Variants in DCHS2 observed in about 807,000 individuals in gnomAD.
The protein encoded by DCHS2 is dachsous cadherin-related 2.
In DCHS2, 142 loss-of-function variants were observed where a neutral mutation model predicts 182.4. That is an observed-to-expected ratio of 0.78 (90% CI 0.68 to 0.89). DCHS2 has a LOEUF of 0.89. Ranked by LOEUF, DCHS2 falls within the 40% of genes least tolerant of loss-of-function variation. The probability of loss-of-function intolerance (pLI) is 0.00; values close to 1 mark genes in which losing one functional copy is unlikely to be tolerated. For synonymous variants in DCHS2, 1,740 were observed against 1,663.3 expected, an observed-to-expected ratio of 1.05 and a Z score of -1.12; for missense variants, 4,319 against 4,198.6, an observed-to-expected ratio of 1.03 and a Z score of -0.79.
chr4:154,387,090 A>G (rs1405050163), intron 1 of DCHS2, among the ~76,000 whole-genome samples: 1 of 152,216 alleles, frequency 6.6e-6, no homozygotes, highest in Non-Finnish European at 1.5e-5. Flanking sequence ...TCTCACAGCT[A>G]TTAGATGAAT....
Position 154,320,471 on chromosome 4 carries a change from G to A in DCHS2, c.4928C>T (p.Ala1643Val). 1 of 1,614,114 alleles carries A rather than the reference G, an allele frequency of 6.2e-7. No homozygotes were observed. Among genetic ancestry groups the A allele is most frequent in the Non-Finnish European group, 8.5e-7 (1 of 1,180,012 alleles). ...TVGSLVHHIT[A>V]HDPDEGRNGK... Reference sequence around the variant, plus strand: ...ATTCCTTCCTTCGTCTGGATCGTGAGCAGTTATGTGGTGGACCAAGGAGCC... The same window carrying A: ...ATTCCTTCCTTCGTCTGGATCGTGAACAGTTATGTGGTGGACCAAGGAGCC... Residue 1643 changes from alanine to valine, a missense_variant, in exon 9 of 20, where the codon GCT (alanine) becomes GTT (valine). By Grantham distance (64) the Ala-to-Val change is moderately conservative (BLOSUM62 0). Transcript: ENST00000357232.
At chr4:154,313,810 T>C (rs1315385074) in intron 10 of DCHS2, among the ~76,000 whole-genome samples, 1 of 152,218 alleles carries the variant, frequency 6.6e-6, no homozygotes, top group Non-Finnish European at 1.5e-5. Flanking sequence ...CATGAAGATG[T>C]TAATGTGTAT....
chr4:154,240,510 G>A (rs1402973159), intron 18 of DCHS2, 27 bp downstream of exon 18: 1 of 1,603,402 alleles, frequency 6.2e-7, no homozygotes, highest in Non-Finnish European at 8.5e-7. Context: ...TTTGGCTTTG[G>A]TTTCGGCATC....
At chr4:154,326,815 G>A (rs1736302492) in intron 7 of DCHS2, among the ~76,000 whole-genome samples, 4 of 152,058 alleles carry the variant, frequency 2.6e-5, no homozygotes, top group Non-Finnish European at 5.9e-5. Context: ...GACTGGGTAA[G>A]GCCAACTTCC....
chr4:154,491,227 C>A lies in DCHS2; in HGVS notation c.129G>T (p.Thr43=), dbSNP rs1198608209. 2.6e-6 allele frequency: 4 copies of A among 1,551,228 alleles called. No homozygotes were observed. Among genetic ancestry groups the A allele is most frequent in the Non-Finnish European group, 3.5e-6 (4 of 1,146,942 alleles). Residue 43 remains threonine, a synonymous_variant, in exon 1 of 20, where the codon ACG becomes ACT. Coordinates refer to ENST00000357232, the MANE Select transcript of DCHS2 (RefSeq NM_001358235.2). ...HGRSGSSGAR[T]QRSLLWLLVH... ...CCAAGAGCCAGAGCAGGGAGCGCTG[C>A]GTCCTGGCGCCGCTGCTGCCTGACC...
At chr4:154,397,007 GA>G (rs1408545491) in intron 1 of DCHS2, among the ~76,000 whole-genome samples, 1 of 152,148 alleles carries the variant, frequency 6.6e-6, no homozygotes, top group Non-Finnish European at 1.5e-5. Context: ...CCTAAGACAA[GA>G]AAGGCATCCT....
intron 7 of DCHS2, 87 bp from the exon 8 acceptor site, chr4:154,322,575 GA>G: frequency 7.0e-7 from 1 of 1,419,430 alleles, no homozygotes; most frequent in Non-Finnish European, 9.2e-7. Flanking sequence ...CGATCATTTG[GA>G]AGATTTGTTT....
rs936195359 is a variant in DCHS2, at chr4:154,491,309, C to T, written c.47G>A (p.Arg16Gln). ...CAGAAGGAGCTTCCCGACCGGAGCC[C>T]GCCGCTGCTGACGCCCTTCGCCCAT... ...RKMGEGRQQR[R>Q]APVGKLLLLP... The change falls in exon 1 of 20, where the codon CGG becomes CAG. Residue 16 changes from arginine to glutamine, a missense_variant. Transcript: ENST00000357232. The T allele has an allele frequency of 6.5e-7, 1 of 1,548,350 alleles. No individual in the cohort carries two copies. The highest frequency in any genetic ancestry group is 8.7e-7 in the Non-Finnish European group (1 of 1,144,860).
At chr4:154,305,260 C>T in intron 10 of DCHS2, 29 bp from the exon 11 acceptor site, 2 of 1,594,796 alleles carry the variant, frequency 1.3e-6, no homozygotes, top group Non-Finnish European at 1.7e-6. Flanking sequence ...AAAAACTTAG[C>T]AATCATTTCT....
intron 1 of DCHS2, among the ~76,000 whole-genome samples, chr4:154,421,662 G>A (rs1182614009): frequency 1.3e-5 from 2 of 152,130 alleles, no homozygotes; most frequent in South Asian, 4.1e-4. Flanking sequence ...CCAAAGTGCT[G>A]GGATTACAGG....
intron 1 of DCHS2, among the ~76,000 whole-genome samples, chr4:154,406,869 C>T (rs1228865027): frequency 6.6e-6 from 1 of 152,206 alleles, no homozygotes. Context: ...ACATAAGTGA[C>T]TGCGTTGGAA....
chr4:154,473,255 A>G (rs958737403), intron 1 of DCHS2, among the ~76,000 whole-genome samples: 3 of 152,234 alleles, frequency 2.0e-5, no homozygotes, highest in Admixed American at 1.3e-4. Context: ...CTCTGGGCTC[A>G]GTGCATCCAG....
intron 10 of DCHS2, among the ~76,000 whole-genome samples, chr4:154,314,381 G>A (rs1451959437): frequency 6.6e-6 from 1 of 152,064 alleles, no homozygotes; most frequent in Admixed American, 6.6e-5. Context: ...TGCCAAAAAC[G>A]TACTAAGTTC....
At chr4:154,382,458 C>G (rs1007385621) in intron 1 of DCHS2, among the ~76,000 whole-genome samples, 1 of 151,970 alleles carries the variant, frequency 6.6e-6, no homozygotes, top group Non-Finnish European at 1.5e-5. Context: ...ACTAAGTCCT[C>G]AAAAGCAATT....
chr4:154,333,181 C>T lies in DCHS2; in HGVS notation c.3027G>A (p.Gly1009=), dbSNP rs1357273540. 2 of 1,614,226 alleles carry T rather than the reference C, an allele frequency of 1.2e-6. No individual in the cohort carries two copies. The highest frequency in any genetic ancestry group is 2.2e-5 in the East Asian group (1 of 44,880). Residue 1009 remains glycine (G), a synonymous_variant, in exon 5 of 20, where the codon GGG becomes GGA. Coordinates refer to ENST00000357232, the MANE Select transcript of DCHS2 (RefSeq NM_001358235.2). ...YLARAEDRDS[G]RNGLIRYSIA... Reference sequence around the variant, plus strand: ...TGGAGTACCGGATGAGTCCGTTCCGCCCACTGTCTCTGTCTTCCGCACGTG... The same window carrying T: ...TGGAGTACCGGATGAGTCCGTTCCGTCCACTGTCTCTGTCTTCCGCACGTG...
At chr4:154,288,164 C>A (rs989119772) in intron 13 of DCHS2, among the ~76,000 whole-genome samples, 1 of 152,082 alleles carries the variant, frequency 6.6e-6, no homozygotes, top group East Asian at 1.9e-4. Flanking sequence ...ACACAATGGT[C>A]TTTTGCCTAC....
intron 13 of DCHS2, among the ~76,000 whole-genome samples, chr4:154,277,901 C>T (rs1028669192): frequency 6.6e-6 from 1 of 151,974 alleles, no homozygotes; most frequent in African/African-American, 2.4e-5. Context: ...ATTAGCTGGG[C>T]ATGGTGGCGG....
chr4:154,467,566 TC>T (rs1433804798), intron 1 of DCHS2, among the ~76,000 whole-genome samples: 1 of 152,098 alleles, frequency 6.6e-6, no homozygotes. Flanking sequence ...TGCAGAAATG[TC>T]AAAAGTTTAA....
chr4:154,421,181 G>A (rs570007430), intron 1 of DCHS2, among the ~76,000 whole-genome samples: 5 of 152,280 alleles, frequency 3.3e-5, no homozygotes, highest in South Asian at 4.1e-4. Context: ...AGGACTTATA[G>A]AAAGTATCCT....
Sources: gnomAD v4.1 joint callset for allele counts (sites outside exome capture counted in the v4.1 genomes callset) on GRCh38, gnomAD v4.1.1 for gene constraint, MANE v1.5 for transcripts, NCBI Gene and HGNC (gene_info 2026-07-23, HGNC 2026-07-21) for gene names.